Variants in EXOC6 observed in about 807,000 individuals in gnomAD.
The protein encoded by EXOC6 is exocyst complex component 6.
In EXOC6, 60 loss-of-function variants were observed where a neutral mutation model predicts 112.5. That is an observed-to-expected ratio of 0.53 (90% CI 0.43 to 0.66). The LOEUF is 0.66. Among genes scored for constraint, EXOC6 ranks in the 30% least tolerant of loss-of-function variants. The pLI, the probability that EXOC6 is intolerant of heterozygous loss-of-function variation, is 0.00. For missense variants in EXOC6, 855 were observed against 957.1 expected (o/e 0.89, Z 1.41); for synonymous variants, 295 against 308.0 (o/e 0.96, Z 0.44).
chr10:93,046,771 A>G (rs1846018512), intron 20 of EXOC6, among the ~76,000 whole-genome samples: 1 of 151,798 alleles, frequency 6.6e-6, no homozygotes, highest in Admixed American at 6.6e-5. Context: ...CTAATTTTGT[A>G]TTTTTAAGTA....
At position 92,897,261 on chromosome 10, in the gene EXOC6, C is replaced by T. The variant is rs181073463; in HGVS notation, c.412+2241C>T. On this transcript the variant is annotated intron_variant, in intron 4 of 21. Transcript: ENST00000260762. Reference sequence around the variant, plus strand: ...TGTCTTCGTTTTTAAGGCTAGGCCGCAACTCTTAGTTCATATAAGTATTGT... The same window carrying T: ...TGTCTTCGTTTTTAAGGCTAGGCCGTAACTCTTAGTTCATATAAGTATTGT... 6.4e-3 allele frequency among the ~76,000 whole-genome samples: 981 copies of T among 152,304 alleles called. 16 individuals are homozygous for T. The highest frequency in any genetic ancestry group is 0.022 in the African/African-American group (929 of 41,572).
At chr10:92,839,136 C>G (rs1846753732) in intron 1 of EXOC6, among the ~76,000 whole-genome samples, 1 of 151,866 alleles carries the variant, frequency 6.6e-6, no homozygotes. Flanking sequence ...CAGGTAAAGT[C>G]TGCAACTAGT....
At chr10:92,867,562 GT>G (rs1848235026) in intron 1 of EXOC6, among the ~76,000 whole-genome samples, 2 of 152,148 alleles carry the variant, frequency 1.3e-5, no homozygotes, top group South Asian at 4.2e-4. Context: ...GCTCTGTCAG[GT>G]GAATGCACTG....
intron 1 of EXOC6, among the ~76,000 whole-genome samples, chr10:92,876,166 T>G (rs2133746831): frequency 6.6e-6 from 1 of 152,328 alleles, no homozygotes; most frequent in South Asian, 2.1e-4. Context: ...TTCCTTATGT[T>G]GCACATTTAA....
intron 1 of EXOC6, among the ~76,000 whole-genome samples, chr10:92,890,951 A>G (rs1488781784): frequency 6.6e-6 from 1 of 152,176 alleles, no homozygotes; most frequent in Non-Finnish European, 1.5e-5. Flanking sequence ...TGGCTGCTGT[A>G]TTGAGAACAG....
intron 4 of EXOC6, among the ~76,000 whole-genome samples, chr10:92,896,172 TATATATATA>T (rs1216012571): frequency 2.3e-3 from 64 of 27,908 alleles, no homozygotes; most frequent in East Asian, 7.8e-3. Context: ...TATATATATA[TATATATATA>T]TTTTTTTTTT....
intron 21 of EXOC6, among the ~76,000 whole-genome samples, chr10:93,057,630 C>G (rs1002681797): frequency 2.6e-5 from 4 of 152,102 alleles, no homozygotes; most frequent in African/African-American, 7.2e-5. Flanking sequence ...TTGGGAGACT[C>G]TCTGAATCTG....
At chr10:93,037,916 C>G (rs1218858640) in intron 20 of EXOC6, among the ~76,000 whole-genome samples, 3 of 150,698 alleles carry the variant, frequency 2.0e-5, no homozygotes, top group Non-Finnish European at 4.4e-5. Context: ...GGCGGGCGCC[C>G]GTAATCCCAG....
chr10:92,984,151 T>A (rs1405635600), intron 18 of EXOC6, among the ~76,000 whole-genome samples: 1 of 152,156 alleles, frequency 6.6e-6, no homozygotes, highest in East Asian at 1.9e-4. Context: ...TTCCTTTCAT[T>A]TTGGGGTCCA....
Position 92,886,490 on chromosome 10 carries a change from A to G in EXOC6, c.102-6859A>G, listed in dbSNP as rs1849225006. 3.3e-5 allele frequency among the ~76,000 whole-genome samples: 5 copies of G among 152,334 alleles called. No homozygotes were observed. In the South Asian group the frequency reaches 1.0e-3, roughly 32 times the overall value. On this transcript the variant is annotated intron_variant, in intron 1 of 21. Coordinates refer to ENST00000260762, the MANE Select transcript of EXOC6 (RefSeq NM_019053.6). ...AGTCATTCTCAATTGTTGATCTTCA[A>G]AGGTGATCTGGTTGGTTGCTATGCT... is the stretch of plus-strand genomic sequence containing the variant.
At chr10:92,832,882 C>T (rs1392807200), upstream of EXOC6, among the ~76,000 whole-genome samples, 3 of 151,956 alleles carry the variant, frequency 2.0e-5, 1 homozygote, top group African/African-American at 4.8e-5. Flanking sequence ...AGGCTAGTCT[C>T]GAACTCCTGG....
intron 20 of EXOC6, among the ~76,000 whole-genome samples, chr10:93,030,718 CT>C (rs887728475): frequency 2.6e-5 from 4 of 152,102 alleles, no homozygotes; most frequent in African/African-American, 9.7e-5. Context: ...TATGTTTTTA[CT>C]TTTTTCTCTT....
rs1468260021 is a variant in EXOC6 at position 92,948,346 on chromosome 10, C to T, written c.1383C>T (p.Ser461=). The change falls in exon 14 of 22, where the codon AGC becomes AGT. Residue 461 remains serine, a synonymous_variant. Transcript: ENST00000260762. ...AAGAAGAATATAAAATTGTCATCAG[C>T]AAATTTCCCTTTCAAGATCCAGACC... is the stretch of plus-strand genomic sequence containing the variant. The part of the protein sequence containing the change: ...VNEEEYKIVI[S]KFPFQDPDLE... The T allele has an allele frequency of 2.5e-6, 4 of 1,605,918 alleles. No individual in the cohort carries two copies. The East Asian group carries it at 6.7e-5, about 27-fold the overall frequency.
At chr10:92,922,116 T>C (rs998646891) in intron 8 of EXOC6, among the ~76,000 whole-genome samples, 3 of 152,076 alleles carry the variant, frequency 2.0e-5, no homozygotes, top group Non-Finnish European at 2.9e-5. Flanking sequence ...TGACTAATTT[T>C]TGTATTTTTA....
At chr10:92,956,035 TG>T (rs1311888709) in intron 17 of EXOC6, among the ~76,000 whole-genome samples, 1 of 152,152 alleles carries the variant, frequency 6.6e-6, no homozygotes, top group Non-Finnish European at 1.5e-5. Context: ...TGTTTATTTT[TG>T]AAAATTTAAA....
intron 17 of EXOC6, among the ~76,000 whole-genome samples, chr10:92,971,680 A>G (rs2134078589): frequency 6.6e-6 from 1 of 152,196 alleles, no homozygotes; most frequent in Non-Finnish European, 1.5e-5. Flanking sequence ...GTACTTTTTA[A>G]TAATTTCTAT....
chr10:92,987,983 G>C (rs538453767), intron 18 of EXOC6, among the ~76,000 whole-genome samples: 39 of 152,194 alleles, frequency 2.6e-4, no homozygotes, highest in Middle Eastern at 3.4e-3. Flanking sequence ...AAATGAAATA[G>C]TATACCTAAA....
upstream of EXOC6, among the ~76,000 whole-genome samples, chr10:92,846,837 G>A (rs1472136364): frequency 6.6e-6 from 1 of 152,214 alleles, no homozygotes; most frequent in African/African-American, 2.4e-5. Flanking sequence ...AGGACCCTGA[G>A]ATGGAAGATT....
At chr10:92,972,103 C>T (rs1248254452) in intron 17 of EXOC6, among the ~76,000 whole-genome samples, 1 of 152,200 alleles carries the variant, frequency 6.6e-6, no homozygotes, top group African/African-American at 2.4e-5. Context: ...ACCTGTAAGT[C>T]CCCTAGTCTT....
Sources: allele counts gnomAD v4.1 joint callset (sites outside exome capture counted in the v4.1 genomes callset), GRCh38; gene constraint gnomAD v4.1.1; transcripts MANE v1.5; gene names NCBI Gene and HGNC (gene_info 2026-07-23, HGNC 2026-07-21).